KRTCAP3: variants seen among roughly 807,000 people sequenced by gnomAD.
The protein encoded by KRTCAP3 is keratinocyte associated protein 3, also known as keratinocyte-associated protein 3.
In KRTCAP3, 18 loss-of-function variants were observed where a neutral mutation model predicts 20.5. The observed-to-expected ratio is 0.88, with a 90% CI of 0.61 to 1.31. KRTCAP3 has a LOEUF of 1.31. Ranked by LOEUF, KRTCAP3 falls within the 50% of genes most tolerant of loss-of-function variation. The pLI is 0.00. For missense variants in KRTCAP3, 347 were observed against 310.4 expected (o/e 1.12, Z -0.89); for synonymous variants, 167 against 133.7 (o/e 1.25, Z -1.72).
At position 27,443,933 on chromosome 2, in the gene KRTCAP3, C is replaced by CT. The variant is rs1384176346; in HGVS notation, c.616-15dup. Reference sequence around the variant, plus strand: ...TCATTCAGGGCGAGGGTGTCTAACTCTATCTTCTTCTGCAGCTAGAGGAAA... The same window carrying CT: ...TCATTCAGGGCGAGGGTGTCTAACTCTTATCTTCTTCTGCAGCTAGAGGAAA... On this transcript the variant is annotated splice_polypyrimidine_tract_variant and intron_variant, in intron 5 of 6. Coordinates refer to ENST00000288873, the MANE Select transcript of KRTCAP3 (RefSeq NM_173853.4). The CT allele has an allele frequency of 1.1e-5, 16 of 1,440,582 alleles. No homozygotes were observed. The highest frequency in any genetic ancestry group is 4.2e-5 in the African/African-American group (3 of 71,594). 89.2% of individuals were successfully genotyped at this position (1,440,582 alleles called of 1,614,324 possible).
chr2:27,444,827 T>C (rs1255837991), downstream of KRTCAP3, among the ~76,000 whole-genome samples: 3 of 152,196 alleles, frequency 2.0e-5, no homozygotes, highest in African/African-American at 7.2e-5. Context: ...TTTGTATTTT[T>C]AGTAGAGACG....
At chr2:27,445,414 A>C (rs1238278691), downstream of KRTCAP3, 10 of 1,612,442 alleles carry the variant, frequency 6.2e-6, no homozygotes, top group East Asian at 2.0e-4. The surrounding 1 kb of genome is among the most constrained non-coding windows in gnomAD (Gnocchi z 4.4). Context: ...TGGAGACTGT[A>C]AGCACCCAGT....
At chr2:27,445,220 T>C (rs1664950066), downstream of KRTCAP3, 1 of 1,580,006 alleles carries the variant, frequency 6.3e-7, no homozygotes, top group African/African-American at 1.4e-5. The surrounding 1 kb of genome is among the most constrained non-coding windows in gnomAD (Gnocchi z 4.4). Flanking sequence ...CTTTACTGAA[T>C]CCTAGTAAAA....
At position 27,443,510 on chromosome 2, in the gene KRTCAP3, G is replaced by A. The variant is rs143627720; in HGVS notation, c.593G>A (p.Arg198Lys). Reference sequence around the variant, plus strand: ...ACTCTACGTGGAGTTGGGCCCTGCAGGAAGGACGGACTTCAGGGGCAGGTA... The same window carrying A: ...ACTCTACGTGGAGTTGGGCCCTGCAAGAAGGACGGACTTCAGGGGCAGGTA... Reference protein sequence around the residue: ...ALTLRGVGPCRKDGLQGQLEE... With the variant: ...ALTLRGVGPCKKDGLQGQLEE... Residue 198 changes from arginine to lysine, a missense_variant, in exon 5 of 7, where the codon AGG becomes AAG. Arg to Lys is a conservative substitution (Grantham distance 26). Coordinates refer to ENST00000288873, the MANE Select transcript of KRTCAP3 (RefSeq NM_173853.4). 5.3e-5 allele frequency: 85 copies of A among 1,614,172 alleles called. No individual in the cohort carries two copies. The African/African-American group carries it at 9.2e-4, about 17-fold the overall frequency.
chr2:27,445,769 T>C, downstream of KRTCAP3: 1 of 1,613,970 alleles, frequency 6.2e-7, no homozygotes, highest in Non-Finnish European at 8.5e-7. This position sits in a 1 kb window ranked among gnomAD's most constrained non-coding sequence, Gnocchi z 4.4. Flanking sequence ...TAGCTGGGAG[T>C]GGCACCTCAA....
chr2:27,446,053 T>G, downstream of KRTCAP3: 3 of 1,589,994 alleles, frequency 1.9e-6, no homozygotes, highest in South Asian at 1.1e-5. Context: ...TTCTCTGGGA[T>G]CCAGATGCAA....
chr2:27,444,290 T>A lies in KRTCAP3; in HGVS notation c.*110T>A. ...AAATTGTAATAAAGTAACTTCTCTT[T>A]TCTTCTACTTGATTATGATTCCTTT... On this transcript the variant is annotated 3_prime_UTR_variant, in exon 7 of 7. Transcript: ENST00000288873. 1.5e-6 allele frequency: 1 copy of A among 660,190 alleles called. No homozygotes were observed. The highest frequency in any genetic ancestry group is 1.9e-5 in the South Asian group (1 of 52,166). 40.9% of individuals were successfully genotyped at this position (660,190 alleles called of 1,614,324 possible). A position where few individuals can be genotyped will look rare whatever the true frequency, so the allele number is the denominator to read the frequency against.
downstream of KRTCAP3, chr2:27,446,024 A>C (rs1572710573): frequency 6.2e-7 from 1 of 1,613,092 alleles, no homozygotes; most frequent in African/African-American, 1.3e-5. Context: ...GGAGTGAACA[A>C]GCTGGGTTTG....
chr2:27,446,461 T>A, downstream of KRTCAP3: 1 of 939,228 alleles, frequency 1.1e-6, no homozygotes, highest in Non-Finnish European at 1.7e-6. Flanking sequence ...CAATTATTAT[T>A]AAACTGCTCT....
At chr2:27,442,528 G>A in intron 1 of KRTCAP3, 51 bp from the exon 2 acceptor site, 2 of 1,535,068 alleles carry the variant, frequency 1.3e-6, no homozygotes, top group Non-Finnish European at 8.8e-7. Flanking sequence ...GCCGCGAGCC[G>A]CCTCTCCCCT....
chr2:27,442,694 C>T lies in KRTCAP3; in HGVS notation c.144C>T (p.Ala48=), dbSNP rs1664683701. The T allele has an allele frequency of 6.3e-7, 1 of 1,588,396 alleles. No individual in the cohort carries two copies. Among genetic ancestry groups the T allele is most frequent in the South Asian group, 1.1e-5 (1 of 87,838 alleles). Residue 48 remains alanine (A), a synonymous_variant, in exon 2 of 7, where the codon GCC becomes GCT. Coordinates refer to ENST00000288873, the MANE Select transcript of KRTCAP3 (RefSeq NM_173853.4). The part of the protein sequence containing the change: ...VLHGTVLRHV[A]NPRGAVTPEY... ...ATGGCACCGTCCTGCGGCACGTGGC[C>T]AATCCCCGCGGCGCTGTCACGCCGG...
downstream of KRTCAP3, chr2:27,446,281 A>G: frequency 3.1e-6 from 5 of 1,614,216 alleles, no homozygotes; most frequent in South Asian, 1.1e-5. Flanking sequence ...TGCCTGCTTC[A>G]TAGAAGGCTT....
intron 5 of KRTCAP3, 84 bp downstream of exon 5, chr2:27,443,616 C>T: frequency 1.4e-6 from 2 of 1,453,390 alleles, no homozygotes; most frequent in Non-Finnish European, 1.9e-6. Context: ...CGGAGGCTCA[C>T]ACCTGTAATC....
chr2:27,445,150 G>T (rs767745764), downstream of KRTCAP3: 1 of 1,609,954 alleles, frequency 6.2e-7, no homozygotes, highest in Admixed American at 1.7e-5. This position sits in a 1 kb window ranked among gnomAD's most constrained non-coding sequence, Gnocchi z 4.4. Flanking sequence ...GAGAGAGATT[G>T]AGGAGGGAAA....
Position 27,442,674 on chromosome 2 carries a change from A to G in KRTCAP3, c.124A>G (p.Thr42Ala), listed in dbSNP as rs764723392. 5.9e-5 allele frequency: 93 copies of G among 1,587,170 alleles called. No homozygotes were observed. Among genetic ancestry groups the G allele is most frequent in the East Asian group, 1.3e-4 (6 of 44,512 alleles). Residue 42 changes from threonine (T) to alanine (A), a missense_variant, in exon 2 of 7, where the codon ACC becomes GCC. Thr to Ala is a moderately conservative substitution (Grantham distance 58). Transcript: ENST00000288873. ...NLLLGAVLHG[T>A]VLRHVANPRG... ...GCTGCTGGGGGCCGTGCTGCATGGC[A>G]CCGTCCTGCGGCACGTGGCCAATCC...
chr2:27,444,281 ACTTCT>A lies in KRTCAP3; in HGVS notation c.*105_*109del. 1 of 654,158 alleles carries A rather than the reference ACTTCT, an allele frequency of 1.5e-6. No homozygotes were observed. Among genetic ancestry groups the A allele is most frequent in the Non-Finnish European group, 2.7e-6 (1 of 374,300 alleles). The allele number at this position is 654,158 out of a possible 1,614,324, so 40.5% of individuals were successfully genotyped here. On this transcript the variant is annotated 3_prime_UTR_variant, in exon 7 of 7. Transcript: ENST00000288873. ...TGAGATAACAAATTGTAATAAAGTAACTTCTCTTTTCTTCTACTTGATTATGATTC... is the reference window on the plus strand; with the variant it reads ...TGAGATAACAAATTGTAATAAAGTAACTTTTCTTCTACTTGATTATGATTC...
rs1389453387 is a variant in KRTCAP3, at chr2:27,443,416, T to A, written c.499T>A (p.Trp167Arg). Residue 167 changes from tryptophan to arginine, a missense_variant, in exon 5 of 7, where the codon TGG (tryptophan) becomes AGG (arginine). Transcript: ENST00000288873. Reference protein sequence around the residue: ...TRIYDTALALWIPSLLMSAGE... With the variant: ...TRIYDTALALRIPSLLMSAGE... ...TTTTCAGGATACAGCCTTGGCTCTC[T>A]GGATCCCTTCTTTGCTCATGTCTGC... The A allele has an allele frequency of 9.9e-6, 16 of 1,614,116 alleles. No individual in the cohort carries two copies. The highest frequency in any genetic ancestry group is 1.3e-5 in the Non-Finnish European group (15 of 1,180,058).
At chr2:27,446,311 G>T, downstream of KRTCAP3, 1 of 1,614,210 alleles carries the variant, frequency 6.2e-7, no homozygotes, top group Non-Finnish European at 8.5e-7. Flanking sequence ...GTAGTAGCTG[G>T]GTGTGACGCA....
downstream of KRTCAP3, chr2:27,446,191 GA>G: frequency 2.0e-6 from 3 of 1,485,340 alleles, no homozygotes; most frequent in Admixed American, 5.0e-5. Flanking sequence ...TACCAGAGCA[GA>G]AGGGATATTC....
Sources: gnomAD v4.1 joint callset for allele counts (sites outside exome capture counted in the v4.1 genomes callset) on GRCh38, gnomAD v4.1.1 for gene constraint, Gnocchi (gnomAD v3.1) non-coding constraint, MANE v1.5 for transcripts, NCBI Gene and HGNC (gene_info 2026-07-23, HGNC 2026-07-21) for gene names.